The following ZNF90 variants were observed in gnomAD, a reference collection of about 807,000 sequenced individuals.
ZNF90 encodes zinc finger protein 90, also known as zinc finger protein HTF9.
Under a neutral mutation model 12.0 loss-of-function variants are expected in ZNF90, and 11 were observed. That is an observed-to-expected ratio of 0.92 (90% CI 0.58 to 1.52). The LOEUF is 1.52. ZNF90 is among the 40% of genes most tolerant of loss of function. The pLI is 0.00. For missense variants in ZNF90, 765 were observed against 711.5 expected (o/e 1.08, Z -0.86); for synonymous variants, 232 against 240.1 (o/e 0.97, Z 0.31).
At chr19:20,088,883 G>A (rs2088880229) in intron 1 of ZNF90, among the ~76,000 whole-genome samples, 1 of 152,180 alleles carries the variant, frequency 6.6e-6, no homozygotes, top group Admixed American at 6.5e-5. Flanking sequence ...GGGAATTAGT[G>A]GAAGAACTCT....
At chr19:20,092,384 G>C (rs371734740) in intron 1 of ZNF90, among the ~76,000 whole-genome samples, 1 of 152,290 alleles carries the variant, frequency 6.6e-6, no homozygotes, top group East Asian at 1.9e-4. Flanking sequence ...GGACAAAAAG[G>C]CTACAGGATG....
At position 20,119,227 on chromosome 19, in the gene ZNF90, G is replaced by C. The variant is rs552166239; in HGVS notation, c.1673G>C (p.Ser558Thr). The C allele has an allele frequency of 7.1e-5, 114 of 1,611,672 alleles. 2 individuals carry two copies. In the South Asian group the frequency reaches 1.2e-3, roughly 17 times the overall value. ...TCACAGCTTACTAGTCATAAGATAA[G>C]TCATACTGGAGAGAAACCCTACAAA... is the stretch of plus-strand genomic sequence containing the variant. Reference protein sequence around the residue: ...RSSQLTSHKISHTGEKPYKCE... With the variant: ...RSSQLTSHKITHTGEKPYKCE... Residue 558 changes from serine (S) to threonine (T), a missense_variant, in exon 4 of 4, where the codon AGT becomes ACT. Physicochemically the swap from Ser to Thr is moderately conservative, Grantham distance 58. Coordinates refer to ENST00000418063, the MANE Select transcript of ZNF90 (RefSeq NM_007138.2).
chr19:20,110,320 C>T (rs782485765), intron 3 of ZNF90, among the ~76,000 whole-genome samples: 4 of 152,104 alleles, frequency 2.6e-5, no homozygotes, highest in Non-Finnish European at 2.9e-5. Flanking sequence ...GCTCTGTTGC[C>T]CAGGCTGGAG....
At chr19:20,080,904 G>T (rs1467453752) in intron 1 of ZNF90, among the ~76,000 whole-genome samples, 3 of 152,208 alleles carry the variant, frequency 2.0e-5, no homozygotes, top group Non-Finnish European at 2.9e-5. Context: ...GCCAGCAAAA[G>T]ATATCACGGA....
intron 3 of ZNF90, among the ~76,000 whole-genome samples, chr19:20,110,569 T>C (rs1555704986): frequency 6.6e-6 from 1 of 152,188 alleles, no homozygotes; most frequent in Admixed American, 6.5e-5. Flanking sequence ...CTGGACTTTG[T>C]TACATATTTT....
In ZNF90 at chr19:20,117,861, T is replaced by C; in HGVS notation, c.307T>C (p.Tyr103His). 6.2e-7 allele frequency: 1 copy of C among 1,608,962 alleles called. No homozygotes were observed. The highest frequency in any genetic ancestry group is 1.7e-5 in the Admixed American group (1 of 58,792). The change falls in exon 4 of 4, where the codon TAT becomes CAT. Residue 103 changes from tyrosine to histidine, a missense_variant. Physicochemically the swap from Tyr to His is moderately conservative, Grantham distance 83. Coordinates refer to ENST00000418063, the MANE Select transcript of ZNF90 (RefSeq NM_007138.2). Reference protein sequence around the residue: ...DSFQKVIVTRYEKREYGNLEL... With the variant: ...DSFQKVIVTRHEKREYGNLEL... ...CTTCCAAAAAGTGATAGTGACAAGA[T>C]ATGAAAAACGTGAATATGGCAATTT...
intron 1 of ZNF90, among the ~76,000 whole-genome samples, chr19:20,085,313 G>T (rs902258732): frequency 8.5e-6 from 1 of 117,240 alleles, no homozygotes; most frequent in Non-Finnish European, 1.6e-5. Flanking sequence ...AGACTGGAGT[G>T]CAGTGGCCCG....
At chr19:20,100,773 G>C (rs1313440063) in intron 1 of ZNF90, among the ~76,000 whole-genome samples, 1 of 152,162 alleles carries the variant, frequency 6.6e-6, no homozygotes, top group Non-Finnish European at 1.5e-5. Flanking sequence ...GACTGCACCT[G>C]CCTTTAAACA....
chr19:20,118,913 C>A lies in ZNF90; in HGVS notation c.1359C>A (p.Tyr453Ter). ...HKIIHSGEKPYKCEECGKAFK... is the reference protein window; with the variant it reads ...HKIIHSGEKP ...TAATTCATAGTGGAGAGAAACCCTA[C>A]AAATGTGAAGAATGTGGCAAAGCCT... The change falls in exon 4 of 4, where the codon TAC (tyrosine) becomes TAA (stop). Residue 453 changes from tyrosine to a stop codon, truncating the protein, a stop_gained. Transcript: ENST00000418063. LOFTEE classifies it low-confidence loss of function (END_TRUNC). The A allele has an allele frequency of 6.2e-7, 1 of 1,613,402 alleles. No individual in the cohort carries two copies. Among genetic ancestry groups the A allele is most frequent in the Non-Finnish European group, 8.5e-7 (1 of 1,179,690 alleles).
chr19:20,100,705 C>T (rs2088982621), intron 1 of ZNF90, among the ~76,000 whole-genome samples: 3 of 152,202 alleles, frequency 2.0e-5, no homozygotes, highest in Admixed American at 1.3e-4. Flanking sequence ...GACTGAGAGA[C>T]AGGACTAACT....
intron 3 of ZNF90, among the ~76,000 whole-genome samples, chr19:20,116,963 T>A (rs1555705717): frequency 6.8e-6 from 1 of 147,156 alleles, no homozygotes; most frequent in Non-Finnish European, 1.5e-5. Flanking sequence ...AAGATGTATG[T>A]GCCAATGTTT....
intron 1 of ZNF90, chr19:20,080,018 C>T: frequency 3.1e-6 from 1 of 320,184 alleles, no homozygotes; most frequent in South Asian, 2.7e-5. Context: ...TCACTGCAAC[C>T]TCCGCCTCCT....
intron 1 of ZNF90, among the ~76,000 whole-genome samples, chr19:20,087,988 A>G (rs1178050250): frequency 6.6e-6 from 1 of 152,088 alleles, no homozygotes; most frequent in African/African-American, 2.4e-5. Context: ...GGCCATTTAC[A>G]CTTCCTTTGT....
intron 1 of ZNF90, among the ~76,000 whole-genome samples, chr19:20,079,306 G>GTT (rs34761787): frequency 2.5e-4 from 34 of 135,942 alleles, no homozygotes; most frequent in African/African-American, 6.6e-4. Flanking sequence ...CAAAAGGAGG[G>GTT]TTTTTTTTTT....
chr19:20,078,222 C>A (rs2088792287), intron 1 of ZNF90, 87 bp downstream of exon 1: 6 of 1,549,932 alleles, frequency 3.9e-6, no homozygotes, highest in Non-Finnish European at 5.3e-6. Context: ...TAGGCCTCCC[C>A]GCAGTCAGCT....
At position 20,081,335 on chromosome 19, in the gene ZNF90, A is replaced by G. The variant is rs138503056; in HGVS notation, c.3+3200A>G. ...TCCCAAGTGGCTGGGATTACAAGTG[A>G]GTGCCACCACACCCAGCTAATTTTT... On this transcript the variant is annotated intron_variant, in intron 1 of 3. Coordinates refer to ENST00000418063, the MANE Select transcript of ZNF90 (RefSeq NM_007138.2). 7.0e-3 allele frequency among the ~76,000 whole-genome samples: 1,059 copies of G among 151,964 alleles called. 5 individuals carry two copies. The highest frequency in any genetic ancestry group is 0.011 in the Non-Finnish European group (781 of 67,916).
chr19:20,106,858 C>T (rs782627299), intron 3 of ZNF90: 2 of 454,224 alleles, frequency 4.4e-6, no homozygotes, highest in Non-Finnish European at 8.8e-6. Flanking sequence ...AGCTTGGTCA[C>T]AAGGCTGCTG....
intron 1 of ZNF90, among the ~76,000 whole-genome samples, chr19:20,078,563 T>C (rs1237793319): frequency 1.3e-5 from 2 of 151,710 alleles, no homozygotes; most frequent in African/African-American, 4.8e-5. Flanking sequence ...ATCCCAGCAT[T>C]TTGGGAGGTC....
At position 20,120,514 on chromosome 19, in the gene ZNF90, CAA is replaced by C. The variant is rs1408285191; in HGVS notation, c.*1156_*1157del. ...CCTGCAAATGTAGTGAATTTGGAAA[CAA>C]ATTTTTTTTCAAAAACTACAGCTTA... On this transcript the variant is annotated 3_prime_UTR_variant, in exon 4 of 4. Transcript: ENST00000418063. Among the ~76,000 whole-genome samples, 2 of 152,066 alleles carry C rather than the reference CAA, an allele frequency of 1.3e-5. No homozygotes were observed. The highest frequency in any genetic ancestry group is 3.8e-4 in the East Asian group (2 of 5,200).
Sources: allele counts gnomAD v4.1 joint callset (sites outside exome capture counted in the v4.1 genomes callset), GRCh38; gene constraint gnomAD v4.1.1; transcripts MANE v1.5; gene names NCBI Gene and HGNC (gene_info 2026-07-23, HGNC 2026-07-21).